Variants in NUBPL observed in about 807,000 individuals in gnomAD.
NUBPL encodes NUBP iron-sulfur cluster assembly factor, mitochondrial, also known as iron-sulfur cluster transfer protein NUBPL.
In NUBPL, 31 loss-of-function variants were observed where a neutral mutation model predicts 45.7. The observed-to-expected ratio is 0.68, with a 90% CI of 0.51 to 0.92. The LOEUF (loss-of-function observed/expected upper bound fraction) is 0.92. Among genes scored for constraint, NUBPL ranks in the 40% least tolerant of loss-of-function variants. The pLI, the probability that NUBPL is intolerant of heterozygous loss-of-function variation, is 0.00. For missense variants in NUBPL, 401 were observed against 398.7 expected (o/e 1.01, Z -0.05); for synonymous variants, 144 against 140.9 (o/e 1.02, Z -0.15).
intron 7 of NUBPL, among the ~76,000 whole-genome samples, chr14:31,816,053 A>G (rs376072304): frequency 1.3e-5 from 2 of 152,204 alleles, no homozygotes; most frequent in Non-Finnish European, 2.9e-5. Flanking sequence ...GCCTCATAAA[A>G]TGAGTTAGGG....
At chr14:31,705,500 T>C (rs1183786838) in intron 6 of NUBPL, among the ~76,000 whole-genome samples, 1 of 152,224 alleles carries the variant, frequency 6.6e-6, no homozygotes, top group East Asian at 1.9e-4. Flanking sequence ...TGCTGATTGG[T>C]GCATTTACAA....
chr14:31,715,058 A>G (rs1326411555), intron 6 of NUBPL, among the ~76,000 whole-genome samples: 5 of 152,220 alleles, frequency 3.3e-5, no homozygotes, highest in Non-Finnish European at 7.3e-5. Flanking sequence ...TTCTGTTTAT[A>G]TTCAGCTCTA....
intron 7 of NUBPL, among the ~76,000 whole-genome samples, chr14:31,795,231 A>G (rs1172794519): frequency 6.6e-6 from 1 of 151,270 alleles, no homozygotes; most frequent in Non-Finnish European, 1.5e-5. Context: ...TTTTGATTCC[A>G]TATGAACTTT....
At chr14:31,849,104 A>G (rs1028387476) in intron 9 of NUBPL, among the ~76,000 whole-genome samples, 66 of 152,194 alleles carry the variant, frequency 4.3e-4, no homozygotes, top group African/African-American at 1.5e-3. Context: ...ATAGTTTAAG[A>G]TCACAGCATT....
chr14:31,668,830 A>G (rs2036501472), intron 4 of NUBPL, among the ~76,000 whole-genome samples: 1 of 152,170 alleles, frequency 6.6e-6, no homozygotes, highest in Middle Eastern at 3.4e-3. Context: ...AGATGAGGTG[A>G]CACCCCACGC....
chr14:31,844,075 T>C (rs1398087690), intron 8 of NUBPL: 1 of 152,236 alleles, frequency 6.6e-6, no homozygotes, highest in African/African-American at 2.4e-5. Flanking sequence ...TTGTGTAGTC[T>C]ATAGAGAACA....
intron 6 of NUBPL, among the ~76,000 whole-genome samples, chr14:31,697,307 G>C (rs2037234823): frequency 6.6e-6 from 1 of 152,200 alleles, no homozygotes; most frequent in Non-Finnish European, 1.5e-5. Context: ...TTAGAAAAAT[G>C]TGCCAAGCCA....
At chr14:31,696,230 C>G (rs2037211444) in intron 6 of NUBPL, among the ~76,000 whole-genome samples, 1 of 152,192 alleles carries the variant, frequency 6.6e-6, no homozygotes, top group African/African-American at 2.4e-5. Flanking sequence ...TTATATTCTG[C>G]TCTATATTAT....
intron 6 of NUBPL, among the ~76,000 whole-genome samples, chr14:31,785,843 C>T (rs2039274372): frequency 6.6e-6 from 1 of 151,952 alleles, no homozygotes; most frequent in Non-Finnish European, 1.5e-5. Flanking sequence ...GACCCAATAT[C>T]ATCTACACTT....
chr14:31,798,303 G>GTTTTTTTTTTTTT, intron 7 of NUBPL, among the ~76,000 whole-genome samples: 1 of 107,258 alleles, frequency 9.3e-6, no homozygotes, highest in Non-Finnish European at 1.7e-5. Context: ...TTTATTTATG[G>GTTTTTTTTTTTTT]TTTTTTTTTT....
At chr14:31,576,006 A>T (rs151287433) in intron 3 of NUBPL, among the ~76,000 whole-genome samples, 19 of 152,348 alleles carry the variant, frequency 1.2e-4, no homozygotes, top group African/African-American at 4.3e-4. Flanking sequence ...TTTCATGTTC[A>T]CTGAGAGAGG....
intron 6 of NUBPL, among the ~76,000 whole-genome samples, chr14:31,723,065 T>C (rs1055012577): frequency 3.3e-5 from 5 of 152,236 alleles, no homozygotes; most frequent in African/African-American, 1.2e-4. Context: ...CCAGGATTTT[T>C]ATAGCTTTTG....
chr14:31,814,141 C>T (rs983184740), intron 7 of NUBPL, among the ~76,000 whole-genome samples: 2 of 152,298 alleles, frequency 1.3e-5, no homozygotes, highest in African/African-American at 4.8e-5. Flanking sequence ...CTAATTTACA[C>T]TCCCACCAAC....
intron 8 of NUBPL, among the ~76,000 whole-genome samples, chr14:31,841,917 C>CTTTTGTTTTTGTTTTTTTT: frequency 1.9e-4 from 8 of 43,050 alleles, no homozygotes; most frequent in East Asian, 8.1e-4. Flanking sequence ...CGATTCTGGG[C>CTTTTGTTTTTGTTTTTTTT]TTTTTTTTTT....
intron 6 of NUBPL, among the ~76,000 whole-genome samples, chr14:31,676,896 A>G (rs1377181691): frequency 6.6e-6 from 1 of 151,648 alleles, no homozygotes; most frequent in Non-Finnish European, 1.5e-5. Context: ...TTTATGCTGG[A>G]GTTTGAATTT....
At chr14:31,601,620 C>T (rs2034436191) in intron 4 of NUBPL, among the ~76,000 whole-genome samples, 1 of 151,928 alleles carries the variant, frequency 6.6e-6, no homozygotes, top group Admixed American at 6.6e-5. Flanking sequence ...TTTATGCAGC[C>T]AAAAAAACAC....
chr14:31,817,357 A>G (rs1441005325), intron 7 of NUBPL, among the ~76,000 whole-genome samples: 1 of 152,088 alleles, frequency 6.6e-6, no homozygotes, highest in Non-Finnish European at 1.5e-5. Context: ...GAGAAGAGCA[A>G]CCCCAAGACA....
At chr14:31,837,681 C>A (rs556709892) in intron 8 of NUBPL, among the ~76,000 whole-genome samples, 1 of 152,084 alleles carries the variant, frequency 6.6e-6, no homozygotes, top group South Asian at 2.1e-4. Context: ...ACTAGGAATT[C>A]TTACAATTCA....
intron 6 of NUBPL, among the ~76,000 whole-genome samples, chr14:31,710,933 T>G (rs1443478018): frequency 2.0e-5 from 3 of 151,860 alleles, no homozygotes; most frequent in Admixed American, 2.0e-4. Flanking sequence ...GGAAATAGAG[T>G]CCTGGAGTTT....
Sources: gnomAD v4.1 joint callset for allele counts (sites outside exome capture counted in the v4.1 genomes callset) on GRCh38, gnomAD v4.1.1 for gene constraint, MANE v1.5 for transcripts, NCBI Gene and HGNC (gene_info 2026-07-23, HGNC 2026-07-21) for gene names.